CGGBP1: variants seen among roughly 807,000 people sequenced by gnomAD.
CGGBP1 encodes the protein CGG triplet repeat binding protein 1.
In CGGBP1, 4 loss-of-function variants were observed where a neutral mutation model predicts 11.4. The ratio of observed to expected loss-of-function variants is 0.35; its 90% confidence interval spans 0.17 to 0.80. CGGBP1 has a LOEUF of 0.80. CGGBP1 is among the 30% of genes least tolerant of loss of function. CGGBP1 has a pLI of 0.52. For missense variants in CGGBP1, 135 were observed against 202.1 expected, an observed-to-expected ratio of 0.67 and a Z score of 2.01; for synonymous variants, 76 against 74.1, an observed-to-expected ratio of 1.03 and a Z score of -0.13.
chr3:88,087,889 C>G (rs1329451027), intron 2 of CGGBP1, among the ~76,000 whole-genome samples: 5 of 152,176 alleles, frequency 3.3e-5, no homozygotes, highest in African/African-American at 1.2e-4. Flanking sequence ...AATCTGACAT[C>G]TGAAATGCTC....
exon 1 of CGGBP1, chr3:88,149,843 A>C: frequency 1.7e-6 from 1 of 592,882 alleles, no homozygotes; most frequent in South Asian, 2.0e-5. Context: ...GTGGGACTTC[A>C]CTCCGTCCCC....
chr3:88,131,108 A>G (rs1322410241), intron 2 of CGGBP1, among the ~76,000 whole-genome samples: 2 of 152,208 alleles, frequency 1.3e-5, no homozygotes, highest in African/African-American at 2.4e-5. Flanking sequence ...TCTGGGCTAT[A>G]TGATGTAGCC....
At chr3:88,102,988 C>T (rs1023256973) in intron 2 of CGGBP1, among the ~76,000 whole-genome samples, 2 of 151,968 alleles carry the variant, frequency 1.3e-5, no homozygotes, top group African/African-American at 4.8e-5. Flanking sequence ...ACCCTCTGCC[C>T]CACTAGTAGT....
At chr3:88,101,545 A>G (rs552238971) in intron 2 of CGGBP1, among the ~76,000 whole-genome samples, 2 of 152,202 alleles carry the variant, frequency 1.3e-5, no homozygotes, top group East Asian at 3.9e-4. Context: ...TTTGTGCTTC[A>G]TAGATTTCAG....
At position 88,096,063 on chromosome 3, in the gene CGGBP1, C is replaced by T. The variant is rs73844869; in HGVS notation, c.-228-37840G>A. ...TCTGGGCTATCAGTAGTGGCCTCCC[C>T]TCCTGGGTCTAGGGCTTGGCAGACT... On this transcript the variant is annotated intron_variant, in intron 2 of 3. Coordinates refer to the CGGBP1 transcript ENST00000462901. The T allele has an allele frequency of 2.6e-3, 462 of 180,988 alleles. 3 individuals carry two copies. Among genetic ancestry groups the T allele is most frequent in the African/African-American group, 0.011 (443 of 41,648 alleles). The allele number at this position is 180,988 out of a possible 1,614,324, so 11.2% of individuals were successfully genotyped here. A position where few individuals can be genotyped will look rare whatever the true frequency, so the allele number is the denominator to read the frequency against.
At chr3:88,082,024 G>C (rs1160626256) in intron 2 of CGGBP1, among the ~76,000 whole-genome samples, 8 of 152,118 alleles carry the variant, frequency 5.3e-5, no homozygotes, top group Non-Finnish European at 1.5e-5. Flanking sequence ...TGCACAGATT[G>C]TATTAGTCTG....
chr3:88,081,554 G>A (rs188120818), intron 2 of CGGBP1, among the ~76,000 whole-genome samples: 388 of 152,198 alleles, frequency 2.5e-3, no homozygotes, highest in African/African-American at 9.1e-3. Context: ...TTAATTATTT[G>A]TATCAGTATG....
chr3:88,059,133 T>C, upstream of CGGBP1: 1 of 1,124,998 alleles, frequency 8.9e-7, no homozygotes, highest in Non-Finnish European at 1.2e-6. Context: ...ATTGGCAGCT[T>C]GCGTCTTCCA....
chr3:88,138,308 A>G (rs1205538966), intron 2 of CGGBP1, among the ~76,000 whole-genome samples: 1 of 152,118 alleles, frequency 6.6e-6, no homozygotes, highest in Non-Finnish European at 1.5e-5. Flanking sequence ...AAAATTGATA[A>G]ATCTGTTAAA....
At chr3:88,141,043 A>G (rs1265055449) in exon 2 of CGGBP1, 1 of 1,591,684 alleles carries the variant, frequency 6.3e-7, no homozygotes, top group South Asian at 1.2e-5. Context: ...GATTCAGATG[A>G]TGAAAGTAAG....
intron 2 of CGGBP1, chr3:88,057,788 T>C (rs1706597323): frequency 1.3e-5 from 2 of 152,242 alleles, no homozygotes; most frequent in Admixed American, 6.5e-5. Flanking sequence ...CTTTCCAATG[T>C]TTTCGTAATT....
At chr3:88,068,008 A>T (rs1480034710) in intron 2 of CGGBP1, among the ~76,000 whole-genome samples, 1 of 152,160 alleles carries the variant, frequency 6.6e-6, no homozygotes, top group South Asian at 2.1e-4. Context: ...AAGACCCCTG[A>T]AGGGGAGTAA....
intron 2 of CGGBP1, among the ~76,000 whole-genome samples, chr3:88,106,339 T>C (rs1305775295): frequency 6.6e-6 from 1 of 152,190 alleles, no homozygotes; most frequent in Non-Finnish European, 1.5e-5. Context: ...TTTTCATTTA[T>C]CTTTTTGTTT....
intron 2 of CGGBP1, among the ~76,000 whole-genome samples, chr3:88,077,255 T>C (rs1003652540): frequency 6.6e-6 from 1 of 152,112 alleles, no homozygotes; most frequent in East Asian, 1.9e-4. Context: ...CTCACCAATA[T>C]AGGCAGTGTG....
chr3:88,073,820 T>C (rs2107622099), intron 2 of CGGBP1, among the ~76,000 whole-genome samples: 1 of 152,250 alleles, frequency 6.6e-6, no homozygotes, highest in African/African-American at 2.4e-5. Context: ...TAATCTTGAG[T>C]ATATTTATCC....
At chr3:88,059,591 C>T (rs1248310484), upstream of CGGBP1, 2 of 1,427,898 alleles carry the variant, frequency 1.4e-6, no homozygotes, top group Non-Finnish European at 9.1e-7. Context: ...TGAATCTGGT[C>T]TATGTCCAGT....
At chr3:88,130,284 C>T (rs1576339621) in intron 2 of CGGBP1, among the ~76,000 whole-genome samples, 1 of 152,242 alleles carries the variant, frequency 6.6e-6, no homozygotes, top group East Asian at 1.9e-4. Context: ...AAACTCTTAC[C>T]ACTTTGCTGT....
chr3:88,145,293 A>G (rs1053389580), intron 1 of CGGBP1, among the ~76,000 whole-genome samples: 6 of 152,100 alleles, frequency 3.9e-5, no homozygotes, highest in South Asian at 4.1e-4. Flanking sequence ...AGTAGGAAAA[A>G]AACTTTTGAT....
intron 2 of CGGBP1, among the ~76,000 whole-genome samples, chr3:88,127,604 CAG>C (rs1474485056): frequency 1.3e-5 from 2 of 151,978 alleles, no homozygotes; most frequent in Non-Finnish European, 2.9e-5. Context: ...TAGACAAAGA[CAG>C]AGTTTCAAGA....
Sources: gnomAD v4.1 joint callset for allele counts (sites outside exome capture counted in the v4.1 genomes callset) on GRCh38, gnomAD v4.1.1 for gene constraint, MANE v1.5 for transcripts, NCBI Gene and HGNC (gene_info 2026-07-23, HGNC 2026-07-21) for gene names.